AIMP2: variants seen among roughly 807,000 people sequenced by gnomAD.
The protein encoded by AIMP2 is aminoacyl tRNA synthetase complex interacting multifunctional protein 2.
A neutral mutation model predicts 23.4 loss-of-function variants in AIMP2; 20 were observed. The ratio of observed to expected loss-of-function variants is 0.85; its 90% CI spans 0.60 to 1.24. AIMP2 has a LOEUF of 1.24. Ranked by LOEUF, AIMP2 falls within the 50% of genes most tolerant of loss-of-function variation. The pLI, the probability that AIMP2 is intolerant of heterozygous loss-of-function variation, is 0.00. For synonymous variants in AIMP2, 210 were observed against 170.4 expected, an observed-to-expected ratio of 1.23 and a Z score of -1.81; for missense variants, 515 against 414.5, an observed-to-expected ratio of 1.24 and a Z score of -2.10.
chr7:6,018,148 T>A, intron 3 of AIMP2, 103 bp downstream of exon 3: 35 of 113,812 alleles, frequency 3.1e-4, no homozygotes, highest in Non-Finnish European at 4.0e-4. Context: ...TTCTTTTTCT[T>A]TTTTTTTTTT....
At chr7:6,016,127 A>G (rs961295287) in intron 2 of AIMP2, among the ~76,000 whole-genome samples, 3 of 152,164 alleles carry the variant, frequency 2.0e-5, no homozygotes, top group Non-Finnish European at 4.4e-5. Flanking sequence ...TGTACTGCTT[A>G]GGCCAGTCAG....
intron 1 of AIMP2, among the ~76,000 whole-genome samples, chr7:6,009,970 A>ATATATATATAT (rs1170519704): frequency 2.9e-4 from 10 of 34,626 alleles, no homozygotes; most frequent in East Asian, 2.2e-3. Flanking sequence ...AAAAAAAAAA[A>ATATATATATAT]AAAAATATAT....
At chr7:6,017,383 C>T (rs936149308) in intron 2 of AIMP2, among the ~76,000 whole-genome samples, 1 of 151,846 alleles carries the variant, frequency 6.6e-6, no homozygotes, top group Non-Finnish European at 1.5e-5. Flanking sequence ...ATTAGCTGGG[C>T]ATGGTGACAG....
intron 1 of AIMP2, among the ~76,000 whole-genome samples, chr7:6,009,972 A>ATATATATACATATAT (rs1294560607): frequency 1.5e-4 from 5 of 32,658 alleles, no homozygotes; most frequent in Non-Finnish European, 1.2e-4. Flanking sequence ...AAAAAAAAAA[A>ATATATATACATATAT]AAATATATAT....
rs1156596688 is a variant in AIMP2 at position 6,009,949 on chromosome 7, C to CA, written c.135+477dup. ...GGGCAACAAGAGCTAAACTCTATCT[C>CA]AAAAAAAAAAAAAAAAAAAAAAAAA... On this transcript the variant is annotated intron_variant, in intron 1 of 3. Transcript: ENST00000223029. Among the ~76,000 whole-genome samples the CA allele has an allele frequency of 2.0e-3, 44 of 22,476 alleles. 5 individuals are homozygous for CA. Among genetic ancestry groups the CA allele is most frequent in the East Asian group, 0.013 (3 of 240 alleles). 14.7% of individuals were successfully genotyped at this position (22,476 alleles called of 152,430 possible). A position where few individuals can be genotyped will look rare whatever the true frequency, so the allele number is the denominator to read the frequency against.
chr7:6,021,883 A>G (rs1787446295), intron 3 of AIMP2, among the ~76,000 whole-genome samples: 1 of 152,152 alleles, frequency 6.6e-6, no homozygotes, highest in African/African-American at 2.4e-5. Context: ...AAAGGCAAAA[A>G]GTCAGACAAA....
Position 6,009,334 on chromosome 7 carries a change from C to A in AIMP2, c.-30C>A. 6.2e-7 allele frequency: 1 copy of A among 1,611,670 alleles called. No homozygotes were observed. Among genetic ancestry groups the A allele is most frequent in the African/African-American group, 1.3e-5 (1 of 74,996 alleles). ...GGTTTCTGAGCGTTGGCCTTTGGCACGCGCTACCCCCTTTTGCTTTGGTTC... is the reference window on the plus strand; with the variant it reads ...GGTTTCTGAGCGTTGGCCTTTGGCAAGCGCTACCCCCTTTTGCTTTGGTTC... On this transcript the variant is annotated 5_prime_UTR_variant, in exon 1 of 4. Coordinates refer to ENST00000223029, the MANE Select transcript of AIMP2 (RefSeq NM_006303.4).
chr7:6,020,487 ACT>A (rs1787324033), intron 3 of AIMP2, among the ~76,000 whole-genome samples: 1 of 152,200 alleles, frequency 6.6e-6, no homozygotes. Context: ...ATACCTATAG[ACT>A]CTCATAAGAT....
intron 1 of AIMP2, chr7:6,014,800 A>C (rs766712937): frequency 8.1e-6 from 2 of 246,642 alleles, no homozygotes; most frequent in Non-Finnish European, 8.1e-6. Flanking sequence ...GCTCACTGCA[A>C]CCTCCACCTC....
intron 3 of AIMP2, 109 bp from the exon 4 acceptor site, chr7:6,023,194 T>A (rs1297286318): frequency 7.7e-7 from 1 of 1,292,694 alleles, no homozygotes; most frequent in African/African-American, 1.5e-5. Flanking sequence ...AAACACCCTT[T>A]CCCATGTCAT....
chr7:6,019,958 G>A (rs1787277966), intron 3 of AIMP2, among the ~76,000 whole-genome samples: 1 of 149,490 alleles, frequency 6.7e-6, no homozygotes, highest in Non-Finnish European at 1.5e-5. Flanking sequence ...GGAGGTGGAG[G>A]TTGCAGTCAG....
At chr7:6,019,473 A>G (rs1345425409) in intron 3 of AIMP2, among the ~76,000 whole-genome samples, 1 of 131,376 alleles carries the variant, frequency 7.6e-6, no homozygotes, top group African/African-American at 2.9e-5. Context: ...CGACACAGCA[A>G]GACTCCGTCT....
chr7:6,023,113 T>C lies in AIMP2; in HGVS notation c.575-190T>C, dbSNP rs551032530. On this transcript the variant is annotated intron_variant, in intron 3 of 3. Transcript: ENST00000223029. The stretch of plus-strand genomic sequence containing the variant: ...TGACTCTTTGGTTACTTTTTTAACA[T>C]AGTTTGCACTTAAACCCTTTTCAGT... The C allele has an allele frequency of 3.9e-5, 25 of 635,976 alleles. No homozygotes were observed. In the South Asian group the frequency reaches 6.1e-4, roughly 16 times the overall value. The allele number at this position is 635,976 out of a possible 1,614,324, so 39.4% of individuals were successfully genotyped here.
At chr7:6,017,222 G>A (rs1364597472) in intron 2 of AIMP2, among the ~76,000 whole-genome samples, 3 of 152,044 alleles carry the variant, frequency 2.0e-5, no homozygotes, top group Admixed American at 2.0e-4. Flanking sequence ...ACAAATAAAA[G>A]TGTCATTCCT....
At chr7:6,009,570 G>A (rs966885430) in intron 1 of AIMP2, 72 bp downstream of exon 1, 2 of 1,327,084 alleles carry the variant, frequency 1.5e-6, no homozygotes, top group African/African-American at 1.6e-5. Context: ...CCCCCAGGCC[G>A]GAGCGAGCGC....
intron 3 of AIMP2, among the ~76,000 whole-genome samples, chr7:6,020,639 A>G (rs1787337576): frequency 1.3e-5 from 2 of 152,230 alleles, no homozygotes; most frequent in African/African-American, 4.8e-5. Flanking sequence ...TCAAGATAAC[A>G]GGAGAAGCAG....
In AIMP2 at chr7:6,021,945, GCCTC is replaced by G. The variant is rs372632691; in HGVS notation, c.575-1354_575-1351del. 1.0e-3 allele frequency among the ~76,000 whole-genome samples: 157 copies of G among 152,138 alleles called. 1 individual carries two copies. The highest frequency in any genetic ancestry group is 3.7e-3 in the African/African-American group (153 of 41,508). On this transcript the variant is annotated intron_variant, in intron 3 of 3. Transcript: ENST00000223029. ...CCGTGCTTGCCTCTCGTCCTTTCCTGCCTCCCTTTCTACCTCCTCCACCTCTTCC... is the reference window on the plus strand; with the variant it reads ...CCGTGCTTGCCTCTCGTCCTTTCCTGCCTTTCTACCTCCTCCACCTCTTCC...
chr7:6,009,964 A>ATATATAT (rs1554310799), intron 1 of AIMP2, among the ~76,000 whole-genome samples: 5 of 42,956 alleles, frequency 1.2e-4, no homozygotes, highest in African/African-American at 4.4e-4. Context: ...AAAAAAAAAA[A>ATATATAT]AAAAAAAAAA....
chr7:6,013,290 C>G (rs533896366), intron 1 of AIMP2: 1 of 129,688 alleles, frequency 7.7e-6, no homozygotes, highest in East Asian at 2.3e-4. Flanking sequence ...TGGAAACAGT[C>G]TCACTCTGCC....
Sources: gnomAD v4.1 joint callset for allele counts (sites outside exome capture counted in the v4.1 genomes callset) on GRCh38, gnomAD v4.1.1 for gene constraint, MANE v1.5 for transcripts, NCBI Gene and HGNC (gene_info 2026-07-23, HGNC 2026-07-21) for gene names.